Variants in CFAP74 observed in about 807,000 individuals in gnomAD.
CFAP74 encodes the protein cilia and flagella associated protein 74.
A neutral mutation model predicts 188.9 loss-of-function variants in CFAP74; 124 were observed. The ratio of observed to expected loss-of-function variants is 0.66; its 90% CI spans 0.57 to 0.76. CFAP74 has a LOEUF of 0.76. CFAP74 is among the 30% of genes least tolerant of loss of function. The pLI is 0.00. For missense variants in CFAP74, 2,198 were observed against 2,165.2 expected, an observed-to-expected ratio of 1.02 and a Z score of -0.30; for synonymous variants, 956 against 916.7, an observed-to-expected ratio of 1.04 and a Z score of -0.77.
chr1:1,937,585 A>G (rs1652985444), intron 25 of CFAP74, among the ~76,000 whole-genome samples: 1 of 152,192 alleles, frequency 6.6e-6, no homozygotes, highest in Non-Finnish European at 1.5e-5. Context: ...CTCGGCTCAC[A>G]TCGGAAACAA....
intron 14 of CFAP74, among the ~76,000 whole-genome samples, chr1:1,960,300 C>G (rs1026720419): frequency 6.6e-6 from 1 of 152,248 alleles, no homozygotes; most frequent in Non-Finnish European, 1.5e-5. Flanking sequence ...AGTCCCCAGG[C>G]CAACTGCCAG....
intron 26 of CFAP74, among the ~76,000 whole-genome samples, chr1:1,929,659 G>C (rs1557989730): frequency 6.6e-6 from 1 of 151,912 alleles, no homozygotes; most frequent in Admixed American, 6.6e-5. Flanking sequence ...TGCTCTGCAG[G>C]AAAGGTAGAG....
chr1:1,951,303 A>G (rs1654187205), intron 18 of CFAP74, among the ~76,000 whole-genome samples: 1 of 152,214 alleles, frequency 6.6e-6, no homozygotes, highest in South Asian at 2.1e-4. Flanking sequence ...TCCTCTCTCC[A>G]CACGTGGGGA....
rs1474423076 is a variant in CFAP74 at position 1,947,105 on chromosome 1, G to A, written c.2177-51C>T. ...TGAGGGTTGGCAGGGTGGAGGCAGT[G>A]TGGCCCAGGCCCCCTTGGGACGTGG... On this transcript the variant is annotated intron_variant, in intron 18 of 38. Coordinates refer to ENST00000682832, the MANE Select transcript of CFAP74 (RefSeq NM_001304360.2). The A allele has an allele frequency of 2.2e-6, 3 of 1,366,904 alleles. No individual in the cohort carries two copies. The African/African-American group carries it at 4.3e-5, about 20-fold the overall frequency. The allele number at this position is 1,366,904 out of a possible 1,614,324, so 84.7% of individuals were successfully genotyped here. A position where few individuals can be genotyped will look rare whatever the true frequency, so the allele number is the denominator to read the frequency against.
chr1:1,968,103 A>G lies in CFAP74; in HGVS notation c.1245+532T>C, dbSNP rs868654168. 7.2e-5 allele frequency among the ~76,000 whole-genome samples: 11 copies of G among 151,840 alleles called. No homozygotes were observed. Among genetic ancestry groups the G allele is most frequent in the Admixed American group, 1.3e-4 (2 of 15,282 alleles). On this transcript the variant is annotated intron_variant, in intron 11 of 38. Transcript: ENST00000682832. The surrounding 1 kb of genome is among the most constrained non-coding windows in gnomAD (Gnocchi z 4.3). ...GAGTAAAGAGTGAATGAGTGAATGA[A>G]TGAGTGAATGAATGAAGAATGAGTG...
At chr1:1,988,414 C>G in intron 4 of CFAP74, 98 bp downstream of exon 4, 1 of 1,481,204 alleles carries the variant, frequency 6.8e-7, no homozygotes, top group Non-Finnish European at 9.2e-7. Context: ...TGCAGGCCCT[C>G]AGGGTGACGA....
At chr1:1,933,592 C>T (rs1469194891) in intron 25 of CFAP74, among the ~76,000 whole-genome samples, 1 of 152,202 alleles carries the variant, frequency 6.6e-6, no homozygotes, top group Non-Finnish European at 1.5e-5. Context: ...ATCATGTTCT[C>T]TTCTTATCGC....
intron 37 of CFAP74, 72 bp from the exon 38 acceptor site, chr1:1,922,795 G>C: frequency 6.5e-7 from 1 of 1,538,450 alleles, no homozygotes; most frequent in East Asian, 2.3e-5. Context: ...TAGGGGTGAG[G>C]GTGCCCAGCT....
At chr1:1,956,420 CCT>C (rs1186451031) in intron 17 of CFAP74, among the ~76,000 whole-genome samples, 198 bp downstream of exon 17, 7 of 152,178 alleles carry the variant, frequency 4.6e-5, no homozygotes, top group Non-Finnish European at 8.8e-5. Context: ...TGCTGCTGCC[CCT>C]GAGGCCAGGT....
Position 1,973,065 on chromosome 1 carries a change from C to T in CFAP74, c.675-18G>A, listed in dbSNP as rs187032860. The T allele has an allele frequency of 4.9e-5, 78 of 1,584,572 alleles. No homozygotes were observed. The Middle Eastern group carries it at 5.2e-4, about 11-fold the overall frequency. On this transcript the variant is annotated intron_variant, in intron 7 of 38. Coordinates refer to ENST00000682832, the MANE Select transcript of CFAP74 (RefSeq NM_001304360.2). This position sits in a 1 kb window ranked among gnomAD's most constrained non-coding sequence, Gnocchi z 6.2. ...GGGACTTCCTGTGGGGATATGGGGCCGTCAGAGGGAAACTCGGCATCACAC... is the reference window on the plus strand; with the variant it reads ...GGGACTTCCTGTGGGGATATGGGGCTGTCAGAGGGAAACTCGGCATCACAC...
intron 8 of CFAP74, among the ~76,000 whole-genome samples, 156 bp from the exon 9 acceptor site, chr1:1,972,238 A>C (rs1656137405): frequency 6.6e-6 from 1 of 152,222 alleles, no homozygotes; most frequent in South Asian, 2.1e-4. Flanking sequence ...GCACCACCAC[A>C]AACGGCCACA....
In CFAP74 at chr1:1,941,986, T is replaced by G. The variant is rs574313466; in HGVS notation, c.2615+42A>C. 927 of 1,437,728 alleles carry G rather than the reference T, an allele frequency of 6.4e-4. 10 individuals carry two copies. The highest frequency in any genetic ancestry group is 1.7e-3 in the Admixed American group (64 of 37,022). The allele number at this position is 1,437,728 out of a possible 1,614,324, so 89.1% of individuals were successfully genotyped here. ...GAGGAGCGCCTCGGAGCCCACAACC[T>G]CCCACGTCCTCCTGTCCCGGCCTTG... On this transcript the variant is annotated intron_variant, in intron 22 of 38. Coordinates refer to ENST00000682832, the MANE Select transcript of CFAP74 (RefSeq NM_001304360.2).
At position 1,979,428 on chromosome 1, in the gene CFAP74, G is replaced by C. The variant is rs1656670051; in HGVS notation, c.501-5230C>G. Among the ~76,000 whole-genome samples, 2 of 144,322 alleles carry C rather than the reference G, an allele frequency of 1.4e-5. 1 individual carries two copies. The highest frequency in any genetic ancestry group is 3.1e-5 in the Non-Finnish European group (2 of 65,384). 94.7% of individuals were successfully genotyped at this position (144,322 alleles called of 152,430 possible). The stretch of plus-strand genomic sequence containing the variant: ...CTGTGCAGAACACGCGTGTGGTACT[G>C]AGCTGGGCGTGGGAAGGCGTCACGT... On this transcript the variant is annotated intron_variant, in intron 6 of 38. Coordinates refer to ENST00000682832, the MANE Select transcript of CFAP74 (RefSeq NM_001304360.2).
intron 18 of CFAP74, among the ~76,000 whole-genome samples, chr1:1,948,268 G>T (rs1286390958): frequency 6.6e-6 from 1 of 152,010 alleles, no homozygotes; most frequent in East Asian, 1.9e-4. Context: ...CAGATTCTGG[G>T]GCCAGCAGCT....
intron 16 of CFAP74, among the ~76,000 whole-genome samples, chr1:1,958,409 C>T (rs1035484693): frequency 1.3e-5 from 2 of 152,230 alleles, no homozygotes; most frequent in Admixed American, 6.5e-5. Flanking sequence ...CTCGTGCTGC[C>T]GTAGCTGCCA....
intron 11 of CFAP74, among the ~76,000 whole-genome samples, chr1:1,966,812 G>C (rs79334998): frequency 6.6e-6 from 1 of 151,612 alleles, no homozygotes; most frequent in South Asian, 2.1e-4. Flanking sequence ...CCTTGGCGCC[G>C]ATCCTCAGGC....
chr1:1,999,569 C>A (rs929518808), intron 1 of CFAP74, among the ~76,000 whole-genome samples: 9 of 152,158 alleles, frequency 5.9e-5, no homozygotes, highest in African/African-American at 2.2e-4. Flanking sequence ...GTAATCCCAG[C>A]ACTTTGGGAG....
chr1:1,939,737 T>C lies in CFAP74; in HGVS notation c.2734A>G (p.Ile912Val), dbSNP rs773118933. 1.4e-5 allele frequency: 22 copies of C among 1,535,862 alleles called. No homozygotes were observed. Among genetic ancestry groups the C allele is most frequent in the Admixed American group, 9.8e-5 (5 of 50,978 alleles). Residue 912 changes from isoleucine to valine, a missense_variant, in exon 24 of 39, where the codon ATT becomes GTT. Coordinates refer to ENST00000682832, the MANE Select transcript of CFAP74 (RefSeq NM_001304360.2). ...AGCTCCAGGTCCGAGGTGGTGACAA[T>C]GGCATGCACGGTGAATCCCACTGGC... is the stretch of plus-strand genomic sequence containing the variant. ...NKPVGFTVHA[I>V]VTTSDLELSP...
intron 1 of CFAP74, 68 bp from the exon 2 acceptor site, chr1:1,991,043 T>G: frequency 8.9e-7 from 1 of 1,119,798 alleles, no homozygotes. Context: ...AATTAACCAT[T>G]TCTCTTAAAG....
Sources: gnomAD v4.1 joint callset for allele counts (sites outside exome capture counted in the v4.1 genomes callset) on GRCh38, gnomAD v4.1.1 for gene constraint, Gnocchi (gnomAD v3.1) non-coding constraint, MANE v1.5 for transcripts, NCBI Gene and HGNC (gene_info 2026-07-23, HGNC 2026-07-21) for gene names.